The following RBMS3 variants were observed in gnomAD, a reference collection of about 807,000 sequenced individuals.
RBMS3 encodes the protein RNA-binding motif, single-stranded-interacting protein 3.
Under a neutral mutation model 66.8 loss-of-function variants are expected in RBMS3, and 27 were observed. That is an observed-to-expected ratio of 0.40 (90% CI 0.30 to 0.56). The LOEUF (loss-of-function observed/expected upper bound fraction) is 0.56. Among genes scored for constraint, RBMS3 ranks in the 20% least tolerant of loss-of-function variants. RBMS3 has a pLI of 0.40. For missense variants in RBMS3, 513 were observed against 549.5 expected, an observed-to-expected ratio of 0.93 and a Z score of 0.66; for synonymous variants, 188 against 183.0, an observed-to-expected ratio of 1.03 and a Z score of -0.22.
intron 3 of RBMS3, among the ~76,000 whole-genome samples, chr3:29,528,065 A>C (rs1186311622): frequency 6.6e-6 from 1 of 151,934 alleles, no homozygotes; most frequent in Non-Finnish European, 1.5e-5. Context: ...TTAAGTGATC[A>C]AGAAATGCTA....
chr3:29,368,476 T>C (rs1320202977), intron 1 of RBMS3, among the ~76,000 whole-genome samples: 1 of 152,104 alleles, frequency 6.6e-6, no homozygotes, highest in Admixed American at 6.6e-5. Flanking sequence ...GGTAAATATT[T>C]GTTGAATGAA....
At chr3:29,608,692 G>A (rs2048392461) in intron 4 of RBMS3, among the ~76,000 whole-genome samples, 1 of 152,008 alleles carries the variant, frequency 6.6e-6, no homozygotes, top group African/African-American at 2.4e-5. Flanking sequence ...AGGTAAAAAT[G>A]AGGAGCTAGA....
intron 1 of RBMS3, among the ~76,000 whole-genome samples, chr3:29,287,944 G>C (rs1000785299): frequency 3.3e-5 from 5 of 151,970 alleles, no homozygotes; most frequent in Non-Finnish European, 5.9e-5. Flanking sequence ...GATATTGGCA[G>C]ATAATCTGGT....
At chr3:29,296,176 T>A (rs1394061199) in intron 1 of RBMS3, among the ~76,000 whole-genome samples, 1 of 151,802 alleles carries the variant, frequency 6.6e-6, no homozygotes, top group Non-Finnish European at 1.5e-5. Flanking sequence ...GCTGCTCTTT[T>A]GTGAAAGGTC....
intron 12 of RBMS3, among the ~76,000 whole-genome samples, chr3:29,958,821 T>C (rs1474142964): frequency 6.6e-6 from 1 of 152,212 alleles, no homozygotes; most frequent in Non-Finnish European, 1.5e-5. Context: ...GTATATCAAC[T>C]TCACAGGCCT....
At chr3:29,473,801 G>A (rs2042847984) in intron 2 of RBMS3, among the ~76,000 whole-genome samples, 1 of 152,240 alleles carries the variant, frequency 6.6e-6, no homozygotes, top group South Asian at 2.1e-4. Flanking sequence ...TCCAAGTGTG[G>A]GGCCCACCAA....
intron 1 of RBMS3, among the ~76,000 whole-genome samples, chr3:29,399,473 TA>T (rs2039708533): frequency 6.6e-6 from 1 of 152,148 alleles, no homozygotes; most frequent in Non-Finnish European, 1.5e-5. Flanking sequence ...ATTTGCCTTT[TA>T]GAAAAGAAGG....
rs147481102 is a variant in RBMS3 at position 29,743,505 on chromosome 3, C to T, written c.557+3628C>T. 2.2e-3 allele frequency among the ~76,000 whole-genome samples: 342 copies of T among 152,270 alleles called. 1 individual carries two copies. The highest frequency in any genetic ancestry group is 4.6e-3 in the Admixed American group (70 of 15,298). On this transcript the variant is annotated intron_variant, in intron 5 of 14. Transcript: ENST00000383767. The stretch of plus-strand genomic sequence containing the variant: ...GTTAGAAATGCAAATTTCCTGCCCC[C>T]AATCTACCGAATTAACAGTCTGGTG...
intron 4 of RBMS3, among the ~76,000 whole-genome samples, chr3:29,691,947 C>CTTTTTTTTTTTTT (rs1218393454): frequency 1.5e-4 from 8 of 53,524 alleles, no homozygotes; most frequent in African/African-American, 6.0e-4. Context: ...CTCTCTCTCT[C>CTTTTTTTTTTTTT]TATTTTTTTT....
chr3:29,762,669 C>T (rs925432597), intron 5 of RBMS3, among the ~76,000 whole-genome samples: 40 of 152,186 alleles, frequency 2.6e-4, no homozygotes, highest in African/African-American at 9.1e-4. Flanking sequence ...TACCTCTGAA[C>T]GAGTGCTCAG....
intron 6 of RBMS3, among the ~76,000 whole-genome samples, chr3:29,843,518 T>G (rs193159637): frequency 6.6e-6 from 1 of 152,320 alleles, no homozygotes; most frequent in African/African-American, 2.4e-5. Flanking sequence ...TTTCTTTGTT[T>G]ATAATCTATA....
At chr3:29,690,060 G>T (rs1165533693) in intron 4 of RBMS3, among the ~76,000 whole-genome samples, 1 of 150,814 alleles carries the variant, frequency 6.6e-6, no homozygotes, top group Admixed American at 6.6e-5. Context: ...GGTATATGTG[G>T]AAAGTATACA....
intron 4 of RBMS3, among the ~76,000 whole-genome samples, chr3:29,635,161 C>G (rs1325123015): frequency 6.6e-6 from 1 of 151,764 alleles, no homozygotes; most frequent in Admixed American, 6.6e-5. Context: ...ATATATATGC[C>G]ACAGACTCCC....
rs115087544 is a variant in RBMS3, at chr3:29,518,035, G to A, written c.307+29536G>A. Among the ~76,000 whole-genome samples the A allele has an allele frequency of 9.5e-3, 1,445 of 152,274 alleles. 17 individuals carry two copies. Among genetic ancestry groups the A allele is most frequent in the African/African-American group, 0.033 (1,377 of 41,544 alleles). Reference sequence around the variant, plus strand: ...CAAAAAGTAGGCCTGTTGTGCATAAGTAAGAGTAACTCACAATGCCTACAT... The same window carrying A: ...CAAAAAGTAGGCCTGTTGTGCATAAATAAGAGTAACTCACAATGCCTACAT... On this transcript the variant is annotated intron_variant, in intron 3 of 14. Transcript: ENST00000383767.
intron 3 of RBMS3, among the ~76,000 whole-genome samples, chr3:29,505,396 A>G (rs893230958): frequency 6.6e-6 from 1 of 151,702 alleles, no homozygotes; most frequent in African/African-American, 2.4e-5. Flanking sequence ...TGGGATCTCT[A>G]TTCTGTTCCA....
At position 30,003,902 on chromosome 3, in the gene RBMS3, T is replaced by A. The variant is rs747510230; in HGVS notation, c.*40T>A. The A allele has an allele frequency of 7.0e-7, 1 of 1,435,978 alleles. No homozygotes were observed. The highest frequency in any genetic ancestry group is 2.5e-5 in the East Asian group (1 of 40,348). 89.0% of individuals were successfully genotyped at this position (1,435,978 alleles called of 1,614,324 possible). A position where few individuals can be genotyped will look rare whatever the true frequency, so the allele number is the denominator to read the frequency against. ...TGTCTGTCTGAATCTTTGCCTTGAA[T>A]GAAGAAACTTCATTGAACAAGAAGT... On this transcript the variant is annotated 3_prime_UTR_variant, in exon 15 of 15. Transcript: ENST00000383767.
At chr3:29,400,116 C>T (rs2039742113) in intron 1 of RBMS3, among the ~76,000 whole-genome samples, 1 of 152,002 alleles carries the variant, frequency 6.6e-6, no homozygotes, top group Non-Finnish European at 1.5e-5. Context: ...CTTTCCAGCC[C>T]TTCTGGGGAA....
chr3:29,980,840 A>G (rs1246290552), intron 12 of RBMS3, among the ~76,000 whole-genome samples: 1 of 152,132 alleles, frequency 6.6e-6, no homozygotes, highest in Non-Finnish European at 1.5e-5. Context: ...GTAGCCTTAT[A>G]GTATAGTTTG....
At chr3:29,322,260 G>T (rs1219384307) in intron 1 of RBMS3, among the ~76,000 whole-genome samples, 1 of 151,870 alleles carries the variant, frequency 6.6e-6, no homozygotes, top group Non-Finnish European at 1.5e-5. Context: ...GAGGAACTAC[G>T]GATACGAGAA....
Sources: allele counts gnomAD v4.1 joint callset (sites outside exome capture counted in the v4.1 genomes callset), GRCh38; gene constraint gnomAD v4.1.1; transcripts MANE v1.5; gene names NCBI Gene and HGNC (gene_info 2026-07-23, HGNC 2026-07-21).